The following BCAR3 variants were observed in gnomAD, a reference collection of about 807,000 sequenced individuals.
BCAR3 encodes breast cancer anti-estrogen resistance protein 3.
A neutral mutation model predicts 80.1 loss-of-function variants in BCAR3; 37 were observed. The observed-to-expected ratio is 0.46, with a 90% CI of 0.36 to 0.61. The LOEUF is 0.61. BCAR3 is among the 20% of genes least tolerant of loss of function. BCAR3 has a pLI of 0.00. For synonymous variants in BCAR3, 389 were observed against 418.9 expected, an observed-to-expected ratio of 0.93 and a Z score of 0.87; for missense variants, 978 against 1,068.2, an observed-to-expected ratio of 0.92 and a Z score of 1.18.
chr1:93,811,494 C>T (rs1054007224), intron 2 of BCAR3, among the ~76,000 whole-genome samples: 5 of 152,142 alleles, frequency 3.3e-5, no homozygotes, highest in South Asian at 2.1e-4. Flanking sequence ...GTGCAAACAC[C>T]GGGTCTCTTT....
At chr1:93,573,635 T>TATTATTATTA (rs201796274) in intron 8 of BCAR3, among the ~76,000 whole-genome samples, 1 of 119,898 alleles carries the variant, frequency 8.3e-6, no homozygotes, top group African/African-American at 3.2e-5. Context: ...TTATTATTAT[T>TATTATTATTA]TTTTTTTTTT....
At chr1:93,807,083 T>G (rs1653677829) in intron 2 of BCAR3, among the ~76,000 whole-genome samples, 1 of 151,952 alleles carries the variant, frequency 6.6e-6, no homozygotes, top group Non-Finnish European at 1.5e-5. Flanking sequence ...CCAGCCTGGA[T>G]GACAAAGTGA....
intron 3 of BCAR3, among the ~76,000 whole-genome samples, chr1:93,704,497 C>G (rs1412965339): frequency 6.6e-6 from 1 of 152,186 alleles, no homozygotes; most frequent in Non-Finnish European, 1.5e-5. Context: ...CAAAGTTACA[C>G]AGCTAGTGAG....
chr1:93,783,572 C>T (rs1038923749), intron 2 of BCAR3, among the ~76,000 whole-genome samples: 1 of 148,154 alleles, frequency 6.7e-6, no homozygotes, highest in Non-Finnish European at 1.5e-5. Context: ...CAAATAATTG[C>T]AATGAAATAT....
chr1:93,826,939 A>G (rs1654394036), intron 2 of BCAR3, among the ~76,000 whole-genome samples: 2 of 152,066 alleles, frequency 1.3e-5, no homozygotes, highest in Non-Finnish European at 2.9e-5. Flanking sequence ...GACAGGGAGG[A>G]GTCATCAGTG....
At chr1:93,616,716 A>G (rs1675139559) in intron 3 of BCAR3, among the ~76,000 whole-genome samples, 1 of 152,212 alleles carries the variant, frequency 6.6e-6, no homozygotes. Flanking sequence ...GGGACTCATC[A>G]AATTTGGATA....
At chr1:93,693,063 G>T (rs186371422) in intron 3 of BCAR3, among the ~76,000 whole-genome samples, 1 of 152,070 alleles carries the variant, frequency 6.6e-6, no homozygotes, top group Non-Finnish European at 1.5e-5. Context: ...TCCAGTGCCC[G>T]GGGTTTGCCA....
chr1:93,690,750 A>C (rs1283126089), intron 3 of BCAR3, among the ~76,000 whole-genome samples: 1 of 152,178 alleles, frequency 6.6e-6, no homozygotes, highest in African/African-American at 2.4e-5. Context: ...AAAATTACAA[A>C]AAATATGTTT....
At chr1:93,774,792 G>A (rs1001391508) in intron 2 of BCAR3, among the ~76,000 whole-genome samples, 13 of 152,152 alleles carry the variant, frequency 8.5e-5, no homozygotes, top group African/African-American at 3.1e-4. Flanking sequence ...CATCTGAAAA[G>A]CTTTGCTGAA....
At chr1:93,601,583 C>G (rs1674625161) in intron 3 of BCAR3, among the ~76,000 whole-genome samples, 1 of 152,218 alleles carries the variant, frequency 6.6e-6, no homozygotes, top group Admixed American at 6.5e-5. Flanking sequence ...CATGCGAGTG[C>G]AAGACAGTTT....
At chr1:93,675,925 C>CAAGAAAA (rs1648458229) in intron 1 of BCAR3, among the ~76,000 whole-genome samples, 1 of 51,440 alleles carries the variant, frequency 1.9e-5, no homozygotes, top group Non-Finnish European at 4.2e-5. Flanking sequence ...AAATAGGAGA[C>CAAGAAAA]AAAAAAAAAA....
intron 3 of BCAR3, among the ~76,000 whole-genome samples, chr1:93,593,724 C>T (rs1674307986): frequency 7.1e-6 from 1 of 140,962 alleles, no homozygotes; most frequent in Admixed American, 6.7e-5. Flanking sequence ...AATCCTTTTC[C>T]ACCAAACAAC....
intron 2 of BCAR3, among the ~76,000 whole-genome samples, chr1:93,750,668 G>T (rs1651527439): frequency 6.6e-6 from 1 of 152,186 alleles, no homozygotes; most frequent in Non-Finnish European, 1.5e-5. Flanking sequence ...CACTGTGTTA[G>T]AAGTCTAACT....
chr1:93,839,997 T>C (rs1401846904), intron 2 of BCAR3, among the ~76,000 whole-genome samples: 1 of 152,098 alleles, frequency 6.6e-6, no homozygotes, highest in Non-Finnish European at 1.5e-5. Flanking sequence ...TGGTCAGCAT[T>C]TTTGCAGGAA....
chr1:93,722,625 T>A (rs554098069), intron 2 of BCAR3, among the ~76,000 whole-genome samples: 1 of 152,252 alleles, frequency 6.6e-6, no homozygotes, highest in African/African-American at 2.4e-5. Context: ...AAGGGTGACT[T>A]ATTACTTTCT....
At chr1:93,614,439 T>C (rs527394546) in intron 3 of BCAR3, among the ~76,000 whole-genome samples, 3 of 152,212 alleles carry the variant, frequency 2.0e-5, no homozygotes, top group African/African-American at 7.2e-5. Context: ...CACCTTGTTA[T>C]GAACAGAGGC....
chr1:93,645,276 G>A (rs1740069), intron 2 of BCAR3, among the ~76,000 whole-genome samples: 6,472 of 150,738 alleles, frequency 0.043, 200 homozygotes, highest in African/African-American at 0.083. Flanking sequence ...CTTTCAAGGG[G>A]GAAAAAAAAA....
At chr1:93,843,091 C>T (rs1655018999) in intron 2 of BCAR3, among the ~76,000 whole-genome samples, 1 of 152,064 alleles carries the variant, frequency 6.6e-6, no homozygotes, top group African/African-American at 2.4e-5. Context: ...TGGATGGTAC[C>T]CTTGTCTTGG....
intron 2 of BCAR3, among the ~76,000 whole-genome samples, chr1:93,784,033 A>T (rs1201330943): frequency 1.3e-5 from 2 of 152,188 alleles, no homozygotes; most frequent in Admixed American, 1.3e-4. Flanking sequence ...GCCAATGTGG[A>T]GACAAACCAA....
Sources: allele counts gnomAD v4.1 joint callset (sites outside exome capture counted in the v4.1 genomes callset), GRCh38; gene constraint gnomAD v4.1.1; transcripts MANE v1.5; gene names NCBI Gene and HGNC (gene_info 2026-07-23, HGNC 2026-07-21).